Variants in DLGAP2 observed in about 807,000 individuals in gnomAD.
DLGAP2 encodes the protein disks large-associated protein 2.
DLGAP2 carries 26 observed loss-of-function variants against 100.3 expected under a neutral mutation model. The observed-to-expected ratio is 0.26, with a 90% CI of 0.19 to 0.36. The LOEUF (loss-of-function observed/expected upper bound fraction) is 0.36, where lower values mean the gene tolerates loss of function less well. DLGAP2 is among the 10% of genes least tolerant of loss of function. DLGAP2 has a pLI of 1.00. For missense variants in DLGAP2, 1,858 were observed against 1,453.2 expected, an observed-to-expected ratio of 1.28 and a Z score of -4.53; for synonymous variants, 886 against 630.1, an observed-to-expected ratio of 1.41 and a Z score of -6.08.
intron 2 of DLGAP2, among the ~76,000 whole-genome samples, chr8:1,082,037 C>T (rs10098710): frequency 6.6e-6 from 1 of 151,994 alleles, no homozygotes; most frequent in African/African-American, 2.4e-5. Context: ...GGCAGAGCCC[C>T]CTCTGTGCAG....
At chr8:1,527,807 C>G (rs892139574) in intron 4 of DLGAP2, among the ~76,000 whole-genome samples, 1 of 151,944 alleles carries the variant, frequency 6.6e-6, no homozygotes, top group Non-Finnish European at 1.5e-5. Flanking sequence ...TAGCATCTCC[C>G]AGGACATGTG....
At position 1,255,033 on chromosome 8, in the gene DLGAP2, TGC is replaced by T. The variant is rs1799154221; in HGVS notation, c.74-3817_74-3816del. ...TGGGCGCTGTGTGTGTGTCTTCTCC[TGC>T]CCAGCCGCTGTGTGTGTGTCCTCTC... On this transcript the variant is annotated intron_variant, in intron 2 of 14. Coordinates refer to ENST00000637795, the MANE Select transcript of DLGAP2 (RefSeq NM_001346810.2). Among the ~76,000 whole-genome samples, 113 of 131,756 alleles carry T rather than the reference TGC, an allele frequency of 8.6e-4. 5 individuals are homozygous for T. Among genetic ancestry groups the T allele is most frequent in the Middle Eastern group, 4.0e-3 (1 of 252 alleles). The allele number at this position is 131,756 out of a possible 152,430, so 86.4% of individuals were successfully genotyped here.
intron 2 of DLGAP2, among the ~76,000 whole-genome samples, chr8:1,066,349 A>C (rs1434517693): frequency 1.0e-4 from 15 of 148,184 alleles, no homozygotes; most frequent in Admixed American, 8.7e-4. Context: ...GCTCCTCACC[A>C]CGGTCAGGTC....
intron 1 of DLGAP2, chr8:822,238 C>T (rs1347240807): frequency 3.5e-5 from 14 of 399,270 alleles, no homozygotes; most frequent in Admixed American, 1.3e-4. Flanking sequence ...GTCCGTCTTG[C>T]GGTCCTTACC....
rs188485183 is a variant in DLGAP2, at chr8:961,589, T to C, written c.73+53623T>C. 7.4e-3 allele frequency among the ~76,000 whole-genome samples: 1,123 copies of C among 152,336 alleles called. 14 individuals are homozygous for C. Among genetic ancestry groups the C allele is most frequent in the African/African-American group, 0.026 (1,075 of 41,564 alleles). ...GCTGTGCAACAGTGGGACCTGTCAT[T>C]TCATTGAATGATATTTTCCTTAAAT... On this transcript the variant is annotated intron_variant, in intron 2 of 14. Transcript: ENST00000637795.
chr8:1,463,469 C>T (rs2130163861), intron 3 of DLGAP2, among the ~76,000 whole-genome samples: 1 of 152,306 alleles, frequency 6.6e-6, no homozygotes, highest in South Asian at 2.1e-4. Flanking sequence ...CCCTTCGAAC[C>T]CACCGTCCAA....
At chr8:1,316,455 C>T (rs375800164) in intron 3 of DLGAP2, among the ~76,000 whole-genome samples, 12 of 126,408 alleles carry the variant, frequency 9.5e-5, no homozygotes, top group South Asian at 7.6e-4. Context: ...ACTCGAGAAA[C>T]TCGGCAGCTT....
intron 2 of DLGAP2, among the ~76,000 whole-genome samples, chr8:961,490 C>CA (rs1304345120): frequency 6.6e-6 from 1 of 152,084 alleles, no homozygotes; most frequent in African/African-American, 2.4e-5. Flanking sequence ...GTACTTAAGC[C>CA]AAAATGTAGA....
At chr8:1,560,177 A>T (rs972426634) in intron 5 of DLGAP2, among the ~76,000 whole-genome samples, 2 of 152,236 alleles carry the variant, frequency 1.3e-5, no homozygotes, top group Non-Finnish European at 2.9e-5. Context: ...TCTCCTAGTG[A>T]CGGTCCCTGT....
At chr8:1,421,797 C>G (rs551937912) in intron 3 of DLGAP2, among the ~76,000 whole-genome samples, 9 of 152,066 alleles carry the variant, frequency 5.9e-5, no homozygotes, top group Admixed American at 3.3e-4. Context: ...AACCCCGTCT[C>G]TACTATAAAT....
At chr8:956,403 G>T (rs150471580) in intron 2 of DLGAP2, among the ~76,000 whole-genome samples, 31 of 152,280 alleles carry the variant, frequency 2.0e-4, no homozygotes, top group Non-Finnish European at 1.6e-4. Context: ...TGAGTGTGTG[G>T]GGGTGGCTGG....
chr8:1,686,549 T>C (rs1310089839), intron 12 of DLGAP2, among the ~76,000 whole-genome samples: 1 of 151,952 alleles, frequency 6.6e-6, no homozygotes, highest in Non-Finnish European at 1.5e-5. Context: ...ACGCCTGTAA[T>C]CCCAATCCCA....
At chr8:824,823 G>T (rs982341149) in intron 1 of DLGAP2, among the ~76,000 whole-genome samples, 48 of 152,186 alleles carry the variant, frequency 3.2e-4, no homozygotes, top group African/African-American at 1.2e-3. Context: ...TCTGCCCACT[G>T]GTTTGGTGGC....
At chr8:1,596,968 G>C (rs948684366) in intron 6 of DLGAP2, among the ~76,000 whole-genome samples, 2 of 152,020 alleles carry the variant, frequency 1.3e-5, no homozygotes, top group African/African-American at 4.8e-5. Context: ...GTATTGCCTA[G>C]GTTTTCTTCT....
At chr8:952,176 C>A (rs1255052596) in intron 2 of DLGAP2, among the ~76,000 whole-genome samples, 1 of 152,204 alleles carries the variant, frequency 6.6e-6, no homozygotes, top group Non-Finnish European at 1.5e-5. Context: ...AATAATCCGA[C>A]CCATTTTGCA....
At chr8:1,351,566 G>C (rs1477880255) in intron 3 of DLGAP2, among the ~76,000 whole-genome samples, 3 of 78,996 alleles carry the variant, frequency 3.8e-5, no homozygotes, top group African/African-American at 7.7e-5. Context: ...AGGACGTGCG[G>C]GTCCTGACTG....
chr8:1,589,564 A>G (rs1200587699), intron 6 of DLGAP2, among the ~76,000 whole-genome samples: 3 of 152,148 alleles, frequency 2.0e-5, no homozygotes, highest in Non-Finnish European at 4.4e-5. Flanking sequence ...CCTCCCCAGT[A>G]TCTGGGACTA....
chr8:1,259,510 C>T (rs9693421), intron 3 of DLGAP2: 64,237 of 152,052 alleles, frequency 0.42, 13,959 homozygotes, highest in Admixed American at 0.51. Flanking sequence ...CCCCTATTAG[C>T]GGGGACTCTG....
intron 6 of DLGAP2, among the ~76,000 whole-genome samples, chr8:1,593,695 C>G (rs1023719608): frequency 1.5e-5 from 2 of 134,640 alleles, no homozygotes; most frequent in African/African-American, 2.5e-5. Flanking sequence ...TCCAAGAGAG[C>G]TCCCAGAGTC....
Sources: allele counts gnomAD v4.1 joint callset (sites outside exome capture counted in the v4.1 genomes callset), GRCh38; gene constraint gnomAD v4.1.1; transcripts MANE v1.5; gene names NCBI Gene and HGNC (gene_info 2026-07-23, HGNC 2026-07-21).